RUBCN: variants seen among roughly 807,000 people sequenced by gnomAD.
RUBCN encodes the protein run domain Beclin-1-interacting and cysteine-rich domain-containing protein.
In RUBCN, 74 loss-of-function variants were observed where a neutral mutation model predicts 113.2. That is an observed-to-expected ratio of 0.65 (90% CI 0.54 to 0.79). The LOEUF is 0.79. Among genes scored for constraint, RUBCN ranks in the 30% least tolerant of loss-of-function variants. The pLI, the probability that RUBCN is intolerant of heterozygous loss-of-function variation, is 0.00. For missense variants in RUBCN, 1,109 were observed against 1,251.7 expected (o/e 0.89, Z 1.72); for synonymous variants, 480 against 490.0 (o/e 0.98, Z 0.27).
intron 18 of RUBCN, chr3:197,676,571 C>G: frequency 1.6e-6 from 2 of 1,222,252 alleles, no homozygotes; most frequent in Non-Finnish European, 2.1e-6. Flanking sequence ...CCTCGGCCTC[C>G]CAAATTGCTG....
chr3:197,730,478 A>C (rs962335201), intron 1 of RUBCN, among the ~76,000 whole-genome samples: 1 of 152,124 alleles, frequency 6.6e-6, no homozygotes, highest in African/African-American at 2.4e-5. Flanking sequence ...AATGAAAACA[A>C]CACATCTGGA....
chr3:197,677,678 T>C, intron 16 of RUBCN, 137 bp from the exon 17 acceptor site: 1 of 732,052 alleles, frequency 1.4e-6, no homozygotes, highest in East Asian at 2.7e-5. Flanking sequence ...TCCTACGCTC[T>C]GACAACTGGC....
intron 7 of RUBCN, 172 bp downstream of exon 7, chr3:197,700,441 G>T: frequency 1.6e-6 from 1 of 640,478 alleles, no homozygotes; most frequent in South Asian, 2.0e-5. Flanking sequence ...AATAGACTTA[G>T]AGATTTTGAG....
chr3:197,718,187 T>C lies in RUBCN; in HGVS notation c.66-57A>G. 5.6e-6 allele frequency: 9 copies of C among 1,602,706 alleles called. No homozygotes were observed. The South Asian group carries it at 9.9e-5, about 18-fold the overall frequency. On this transcript the variant is annotated intron_variant, in intron 1 of 19. Coordinates refer to ENST00000296343, the MANE Select transcript of RUBCN (RefSeq NM_014687.4). The stretch of plus-strand genomic sequence containing the variant: ...TTACCTTTGCTGTACTTGATCCTGA[T>C]CATATCAAAGAAAGTCTAAGCCGAG...
Position 197,693,673 on chromosome 3 carries a change from AAC to A in RUBCN, c.1786+40_1786+41del, listed in dbSNP as rs778927060. The A allele has an allele frequency of 1.6e-4, 206 of 1,288,114 alleles. 2 individuals carry two copies. The South Asian group carries it at 2.4e-3, about 15-fold the overall frequency. 79.8% of individuals were successfully genotyped at this position (1,288,114 alleles called of 1,614,324 possible). On this transcript the variant is annotated intron_variant, in intron 11 of 19. Coordinates refer to ENST00000296343, the MANE Select transcript of RUBCN (RefSeq NM_014687.4). The stretch of plus-strand genomic sequence containing the variant: ...CAGCTTATCATTCTAAATGGAAAGA[AAC>A]AGAATAAAAGTTCCCTTGTAACAAA...
Position 197,683,538 on chromosome 3 carries a change from C to A in RUBCN, c.1848-99G>T. ...CATCCCCCACGCAGCAACTTCTGGG[C>A]TGGAAGAACACCCGCAGCACCCTGG... On this transcript the variant is annotated intron_variant, in intron 12 of 19. Coordinates refer to ENST00000296343, the MANE Select transcript of RUBCN (RefSeq NM_014687.4). The surrounding 1 kb of genome is among the most constrained non-coding windows in gnomAD (Gnocchi z 4.6). 7.3e-7 allele frequency: 1 copy of A among 1,378,738 alleles called. No homozygotes were observed. 85.4% of individuals were successfully genotyped at this position (1,378,738 alleles called of 1,614,324 possible). A position where few individuals can be genotyped will look rare whatever the true frequency, so the allele number is the denominator to read the frequency against.
At chr3:197,703,765 AG>A in intron 4 of RUBCN, 111 bp from the exon 5 acceptor site, 1 of 730,086 alleles carries the variant, frequency 1.4e-6, no homozygotes, top group Middle Eastern at 3.2e-4. Context: ...GGGTGAAGGC[AG>A]ATCAGAAACA....
chr3:197,704,019 C>T (rs757171601), intron 4 of RUBCN, among the ~76,000 whole-genome samples: 5 of 152,156 alleles, frequency 3.3e-5, no homozygotes, highest in Admixed American at 6.5e-5. Context: ...GCTATTCTTA[C>T]GGTTTGTGTG....
At position 197,729,550 on chromosome 3, in the gene RUBCN, GC is replaced by G. The variant is rs1349518465; in HGVS notation, c.65+7104del. Among the ~76,000 whole-genome samples the G allele has an allele frequency of 1.4e-4, 21 of 152,018 alleles. 1 individual carries two copies. Among genetic ancestry groups the G allele is most frequent in the African/African-American group, 4.8e-4 (20 of 41,510 alleles). On this transcript the variant is annotated intron_variant, in intron 1 of 19. Coordinates refer to ENST00000296343, the MANE Select transcript of RUBCN (RefSeq NM_014687.4). ...TTACAGGCGTGAGCCACCGCGTCCG[GC>G]CCCTGCTTTTGTTTTGTTCTGTTTT...
chr3:197,722,480 T>C (rs1436953779), intron 1 of RUBCN, among the ~76,000 whole-genome samples: 1 of 151,948 alleles, frequency 6.6e-6, no homozygotes, highest in African/African-American at 2.4e-5. Context: ...TCTGTCTGCA[T>C]GATCTGTCCA....
upstream of RUBCN, chr3:197,737,066 G>A (rs1053616628): frequency 4.7e-5 from 25 of 531,066 alleles, no homozygotes; most frequent in African/African-American, 2.9e-4. Context: ...GGCCGCTCCC[G>A]CAGGCCGCGC....
chr3:197,725,299 T>A (rs1356165301), intron 1 of RUBCN, among the ~76,000 whole-genome samples: 1 of 152,012 alleles, frequency 6.6e-6, no homozygotes, highest in Non-Finnish European at 1.5e-5. Flanking sequence ...TAATGTTTCT[T>A]CTTATCTGGC....
chr3:197,671,193 T>C lies in RUBCN; in HGVS notation c.*3825A>G, dbSNP rs1719758210. On this transcript the variant is annotated 3_prime_UTR_variant, in exon 20 of 20. Coordinates refer to ENST00000296343, the MANE Select transcript of RUBCN (RefSeq NM_014687.4). ...CCATGCCTGGCTAATTTTTATATTT[T>C]TGTAGAGATGAGGTTTTGTGATGTT... Among the ~76,000 whole-genome samples, 1 of 152,120 alleles carries C rather than the reference T, an allele frequency of 6.6e-6. No individual in the cohort carries two copies. The highest frequency in any genetic ancestry group is 1.5e-5 in the Non-Finnish European group (1 of 68,012).
intron 14 of RUBCN, 136 bp downstream of exon 14, chr3:197,682,332 GCC>G: frequency 9.9e-7 from 1 of 1,006,146 alleles, no homozygotes; most frequent in Non-Finnish European, 1.5e-6. Flanking sequence ...AATGGACGAC[GCC>G]CCCCCTCTGC....
chr3:197,719,349 A>G (rs1202421627), intron 1 of RUBCN, among the ~76,000 whole-genome samples: 1 of 151,976 alleles, frequency 6.6e-6, no homozygotes, highest in Non-Finnish European at 1.5e-5. Flanking sequence ...GTGGTGGCAC[A>G]TGCCTGTAAT....
In RUBCN at chr3:197,717,299, C is replaced by A. The variant is rs527588845; in HGVS notation, c.219+678G>T. On this transcript the variant is annotated intron_variant, in intron 2 of 19. Transcript: ENST00000296343. ...TCTACTAAAAAATAGAAAAAATTAG[C>A]CGGGCCTGGTGGCGGGCGCCTGTAG... is the stretch of plus-strand genomic sequence containing the variant. Among the ~76,000 whole-genome samples, 66 of 152,068 alleles carry A rather than the reference C, an allele frequency of 4.3e-4. 1 individual carries two copies. The highest frequency in any genetic ancestry group is 1.4e-3 in the Admixed American group (22 of 15,266).
At chr3:197,748,067 G>A (rs1398194479) in intron 1 of RUBCN, 1 of 152,046 alleles carries the variant, frequency 6.6e-6, no homozygotes, top group Non-Finnish European at 1.5e-5. Flanking sequence ...AAGTAGCTGA[G>A]ATTACAGGTG....
chr3:197,734,181 T>C (rs6771834), intron 1 of RUBCN, among the ~76,000 whole-genome samples: 151,314 of 151,374 alleles, frequency 1, 75,628 homozygotes, highest in Middle Eastern at 1. Flanking sequence ...TGTTTGAACC[T>C]GGGAGGCAGA....
intron 1 of RUBCN, among the ~76,000 whole-genome samples, chr3:197,729,054 G>C (rs927331405): frequency 6.6e-6 from 1 of 151,362 alleles, no homozygotes; most frequent in African/African-American, 2.4e-5. Flanking sequence ...ACGAGGTCAG[G>C]AGAATGGCGT....
Sources: allele counts gnomAD v4.1 joint callset (sites outside exome capture counted in the v4.1 genomes callset), GRCh38; gene constraint gnomAD v4.1.1; non-coding constraint Gnocchi (gnomAD v3.1); transcripts MANE v1.5; gene names NCBI Gene and HGNC (gene_info 2026-07-23, HGNC 2026-07-21).